ESR1: variants seen among roughly 807,000 people sequenced by gnomAD.
The protein encoded by ESR1 is estrogen receptor.
ESR1 carries 12 observed loss-of-function variants against 52.7 expected under a neutral mutation model. That is an observed-to-expected ratio of 0.23 (90% CI 0.15 to 0.37). The LOEUF is 0.37. ESR1 is among the 10% of genes least tolerant of loss of function. The pLI is 1.00. For missense variants in ESR1, 584 were observed against 779.7 expected (o/e 0.75, Z 2.99); for synonymous variants, 305 against 316.8 (o/e 0.96, Z 0.39).
At chr6:151,726,422 G>C (rs3020341) in intron 2 of ESR1, among the ~76,000 whole-genome samples, 45,978 of 151,578 alleles carry the variant, frequency 0.3, 7,443 homozygotes, top group African/African-American at 0.41. Flanking sequence ...AGCTCCGCCT[G>C]CCGGGTTCAC....
At chr6:151,978,922 A>G (rs2039721755) in intron 4 of ESR1, among the ~76,000 whole-genome samples, 1 of 152,238 alleles carries the variant, frequency 6.6e-6, no homozygotes, top group Non-Finnish European at 1.5e-5. Flanking sequence ...ATATTGAGAA[A>G]TATGTGAGGA....
intron 2 of ESR1, among the ~76,000 whole-genome samples, chr6:151,776,529 C>T (rs1173217463): frequency 6.6e-6 from 1 of 152,152 alleles, no homozygotes; most frequent in Non-Finnish European, 1.5e-5. Flanking sequence ...AGGGATAGAA[C>T]GTTGCATTCA....
intron 2 of ESR1, among the ~76,000 whole-genome samples, chr6:151,850,092 AAT>A (rs1197152123): frequency 6.0e-4 from 9 of 14,962 alleles, no homozygotes; most frequent in Admixed American, 1.3e-3. Flanking sequence ...ATATATATAT[AAT>A]TTTATATATA....
intron 6 of ESR1, among the ~76,000 whole-genome samples, chr6:152,109,686 C>T (rs1305178340): frequency 2.6e-5 from 4 of 152,128 alleles, no homozygotes; most frequent in Non-Finnish European, 5.9e-5. Context: ...AACTCTGTCT[C>T]AAACGATAAC....
chr6:152,021,024 A>G lies in ESR1; in HGVS notation c.1235+9230A>G, dbSNP rs9340988. ...TTAATATTCTTATTTGCTATTTCCCAGTGTGATGGTTAAGACTGAGTGTCA... is the reference window on the plus strand; with the variant it reads ...TTAATATTCTTATTTGCTATTTCCCGGTGTGATGGTTAAGACTGAGTGTCA... On this transcript the variant is annotated intron_variant, in intron 5 of 7. Transcript: ENST00000206249. Among the ~76,000 whole-genome samples, 79 of 152,198 alleles carry G rather than the reference A, an allele frequency of 5.2e-4. No homozygotes were observed. In the East Asian group the frequency reaches 0.014, roughly 26 times the overall value.
At chr6:151,715,792 T>A (rs1449594454) in intron 2 of ESR1, among the ~76,000 whole-genome samples, 1 of 152,192 alleles carries the variant, frequency 6.6e-6, no homozygotes, top group Non-Finnish European at 1.5e-5. Flanking sequence ...CTTCTTCAGC[T>A]CAGAGGAGTT....
chr6:151,682,979 T>C (rs558715576), intron 1 of ESR1, among the ~76,000 whole-genome samples: 2 of 152,208 alleles, frequency 1.3e-5, no homozygotes, highest in Non-Finnish European at 2.9e-5. Context: ...ATTTTCTAAA[T>C]GATGACAGAA....
chr6:152,021,646 T>A (rs2043662709), intron 5 of ESR1, among the ~76,000 whole-genome samples: 1 of 152,140 alleles, frequency 6.6e-6, no homozygotes, highest in African/African-American at 2.4e-5. Flanking sequence ...CATGATGAGA[T>A]GTTACGGGAA....
chr6:152,032,713 G>T (rs1584919260), intron 5 of ESR1, among the ~76,000 whole-genome samples: 1 of 152,224 alleles, frequency 6.6e-6, no homozygotes, highest in Admixed American at 6.5e-5. Flanking sequence ...TGGCCATACT[G>T]CCCAAGGTAA....
chr6:152,100,560 TC>T lies in ESR1; in HGVS notation c.*1596del. The T allele has an allele frequency of 8.6e-6, 2 of 233,128 alleles. No homozygotes were observed. The highest frequency in any genetic ancestry group is 2.2e-5 in the African/African-American group (1 of 45,438). The allele number at this position is 233,128 out of a possible 1,614,324, so 14.4% of individuals were successfully genotyped here. On this transcript the variant is annotated 3_prime_UTR_variant, in exon 8 of 8. Coordinates refer to ENST00000206249, the MANE Select transcript of ESR1 (RefSeq NM_000125.4). ...TTCTCTAGCACAATTATGGGTTACT[TC>T]CTTTTTCTTAACAAAAAAGAATGTT... is the stretch of plus-strand genomic sequence containing the variant.
intron 1 of ESR1, among the ~76,000 whole-genome samples, chr6:151,695,570 A>C (rs1166636348): frequency 6.6e-6 from 1 of 152,228 alleles, no homozygotes; most frequent in African/African-American, 2.4e-5. Flanking sequence ...AGAGGAAGCC[A>C]TCAAGGTCCT....
chr6:152,109,823 G>A (rs1303161345), intron 6 of ESR1, among the ~76,000 whole-genome samples: 3 of 152,208 alleles, frequency 2.0e-5, no homozygotes, highest in African/African-American at 7.2e-5. Context: ...ATAACCTGGG[G>A]TGCCGGTTGA....
At chr6:151,997,388 T>C (rs1019446397) in intron 4 of ESR1, among the ~76,000 whole-genome samples, 10 of 152,174 alleles carry the variant, frequency 6.6e-5, no homozygotes, top group African/African-American at 2.2e-4. Context: ...TTGTAATCTT[T>C]TTGTGGCAAC....
intron 6 of ESR1, among the ~76,000 whole-genome samples, chr6:152,081,125 C>A (rs967448285): frequency 6.6e-6 from 1 of 152,100 alleles, no homozygotes; most frequent in Non-Finnish European, 1.5e-5. Flanking sequence ...CCAAGTGGAC[C>A]CAATAGACAT....
chr6:152,114,765 C>T (rs936476037), intron 6 of ESR1, among the ~76,000 whole-genome samples: 1 of 150,350 alleles, frequency 6.7e-6, no homozygotes, highest in African/African-American at 2.4e-5. Flanking sequence ...GTGGCGGGCG[C>T]CTGTAGTCCC....
intron 5 of ESR1, among the ~76,000 whole-genome samples, chr6:152,015,006 G>A (rs1279217611): frequency 6.6e-6 from 1 of 152,128 alleles, no homozygotes; most frequent in Admixed American, 6.6e-5. Context: ...GGCAGACGTT[G>A]CAGTGAGCCA....
chr6:152,007,106 C>T (rs1284554630), intron 4 of ESR1, among the ~76,000 whole-genome samples: 1 of 152,000 alleles, frequency 6.6e-6, no homozygotes, highest in Admixed American at 6.6e-5. Context: ...GCTTGGAGAT[C>T]TCTGCACACT....
In ESR1 at chr6:152,071,136, G is replaced by A. The variant is rs189940823; in HGVS notation, c.1369+10012G>A. ...AACCTAGGGACAACTCCCTAGCAGC[G>A]ACCCAGTGCTCATATCAATAGTGGT... On this transcript the variant is annotated intron_variant, in intron 6 of 7. Coordinates refer to ENST00000206249, the MANE Select transcript of ESR1 (RefSeq NM_000125.4). 2.4e-4 allele frequency among the ~76,000 whole-genome samples: 36 copies of A among 152,234 alleles called. No individual in the cohort carries two copies. In the East Asian group the frequency reaches 6.4e-3, roughly 27 times the overall value.
In ESR1 at chr6:152,053,312, C is replaced by A. The variant is rs769897122; in HGVS notation, c.1236-7679C>A. 1.3e-5 allele frequency among the ~76,000 whole-genome samples: 2 copies of A among 152,188 alleles called. No homozygotes were observed. The highest frequency in any genetic ancestry group is 2.9e-5 in the Non-Finnish European group (2 of 68,000). ...TCCAGCCACACCTCTGACCATTCAACCATTTGTCCTCTTGATTGGTTCCAC... is the reference window on the plus strand; with the variant it reads ...TCCAGCCACACCTCTGACCATTCAAACATTTGTCCTCTTGATTGGTTCCAC... On this transcript the variant is annotated intron_variant, in intron 5 of 7. Coordinates refer to ENST00000206249, the MANE Select transcript of ESR1 (RefSeq NM_000125.4). This position sits in a 1 kb window ranked among gnomAD's most constrained non-coding sequence, Gnocchi z 4.1.
Sources: allele counts gnomAD v4.1 joint callset (sites outside exome capture counted in the v4.1 genomes callset), GRCh38; gene constraint gnomAD v4.1.1; non-coding constraint Gnocchi (gnomAD v3.1); transcripts MANE v1.5; gene names NCBI Gene and HGNC (gene_info 2026-07-23, HGNC 2026-07-21).